Variants in BAZ2B observed in about 807,000 individuals in gnomAD.
BAZ2B encodes the protein bromodomain adjacent to zinc finger domain 2B.
In BAZ2B, 91 loss-of-function variants were observed where a neutral mutation model predicts 246.0. The observed-to-expected ratio is 0.37, with a 90% CI of 0.31 to 0.44. The LOEUF (loss-of-function observed/expected upper bound fraction) is 0.44. Among genes scored for constraint, BAZ2B ranks in the 20% least tolerant of loss-of-function variants. The pLI, the probability that BAZ2B is intolerant of heterozygous loss-of-function variation, is 1.00. For synonymous variants in BAZ2B, 855 were observed against 860.0 expected (o/e 0.99, Z 0.10); for missense variants, 2,332 against 2,533.7 (o/e 0.92, Z 1.71).
At chr2:159,355,879 C>T (rs2059057410) in intron 27 of BAZ2B, among the ~76,000 whole-genome samples, 1 of 152,196 alleles carries the variant, frequency 6.6e-6, no homozygotes, top group Non-Finnish European at 1.5e-5. Context: ...CCAGGAAGTG[C>T]AAGGGGTCCG....
At position 159,542,765 on chromosome 2, in the gene BAZ2B, C is replaced by T. The variant is rs145448213; in HGVS notation, c.-3+13058G>A. ...CTTAAAAATAAAAAAATCCAAAGAA[C>T]TATTAACCAAGAATTCTATAATATA... On this transcript the variant is annotated intron_variant, in intron 2 of 36. Coordinates refer to ENST00000392783, the MANE Select transcript of BAZ2B (RefSeq NM_013450.4). Among the ~76,000 whole-genome samples, 385 of 152,198 alleles carry T rather than the reference C, an allele frequency of 2.5e-3. 1 individual carries two copies. Among genetic ancestry groups the T allele is most frequent in the African/African-American group, 8.8e-3 (364 of 41,546 alleles).
At chr2:159,478,839 T>C (rs1296397145) in intron 2 of BAZ2B, 118 bp from the exon 3 acceptor site, 7 of 735,610 alleles carry the variant, frequency 9.5e-6, no homozygotes, top group African/African-American at 7.4e-5. Context: ...ATACATGTTC[T>C]TTGGAAAGAG....
At chr2:159,557,620 C>A (rs1418024933) in intron 1 of BAZ2B, among the ~76,000 whole-genome samples, 1 of 152,166 alleles carries the variant, frequency 6.6e-6, no homozygotes, top group Non-Finnish European at 1.5e-5. Context: ...ACAAACGCCA[C>A]CTCCTTAGAG....
At chr2:159,347,808 A>T (rs1296212628) in intron 30 of BAZ2B, among the ~76,000 whole-genome samples, 162 bp from the exon 31 acceptor site, 1 of 152,260 alleles carries the variant, frequency 6.6e-6, no homozygotes, top group Non-Finnish European at 1.5e-5. Flanking sequence ...TTAAAAGTAG[A>T]AACACGCTAA....
At chr2:159,382,901 A>G in intron 24 of BAZ2B, 99 bp from the exon 25 acceptor site, 2 of 1,449,986 alleles carry the variant, frequency 1.4e-6, no homozygotes, top group Non-Finnish European at 1.8e-6. Flanking sequence ...ACCTTATGGC[A>G]TTTCTTTTGT....
intron 33 of BAZ2B, among the ~76,000 whole-genome samples, chr2:159,333,661 G>A (rs1317510076): frequency 6.6e-6 from 1 of 152,066 alleles, no homozygotes; most frequent in East Asian, 1.9e-4. Context: ...CTACTTTAAA[G>A]TTAGGTATTT....
At chr2:159,663,651 C>T in the BAZ2B span, among the ~76,000 whole-genome samples, 1 of 151,846 alleles carries the variant, frequency 6.6e-6, no homozygotes, top group East Asian at 1.9e-4. Flanking sequence ...TCCCGAGCAG[C>T]TGGTATTACA....
At chr2:159,415,719 T>A (rs1442621796) in intron 13 of BAZ2B, among the ~76,000 whole-genome samples, 2 of 152,174 alleles carry the variant, frequency 1.3e-5, no homozygotes, top group Non-Finnish European at 2.9e-5. Context: ...CAACCAAAAA[T>A]AACCCAAAGT....
At chr2:159,703,941 A>G in the BAZ2B span, among the ~76,000 whole-genome samples, 1 of 152,228 alleles carries the variant, frequency 6.6e-6, no homozygotes, top group Middle Eastern at 3.4e-3. Context: ...ACAATCAACC[A>G]CTTCCACCAA....
chr2:159,318,280 C>T (rs55691471), downstream of BAZ2B, among the ~76,000 whole-genome samples: 4,269 of 152,270 alleles, frequency 0.028, 215 homozygotes, highest in African/African-American at 0.097. Context: ...AGCATTTTTG[C>T]TTAAGCACCA....
At chr2:159,465,729 C>G (rs185273935) in intron 3 of BAZ2B, among the ~76,000 whole-genome samples, 1 of 152,152 alleles carries the variant, frequency 6.6e-6, no homozygotes, top group East Asian at 1.9e-4. Flanking sequence ...TGAGACCAAC[C>G]TGGCCAACAT....
At chr2:159,397,228 A>C in intron 19 of BAZ2B, 117 bp downstream of exon 19, 6 of 1,238,084 alleles carry the variant, frequency 4.8e-6, no homozygotes, top group Non-Finnish European at 5.6e-6. Context: ...GGAAAAACTT[A>C]AGCAGAAATT....
chr2:159,331,336 T>C (rs531658906), intron 34 of BAZ2B, among the ~76,000 whole-genome samples: 6 of 152,316 alleles, frequency 3.9e-5, no homozygotes, highest in Admixed American at 1.3e-4. Context: ...AGATAAATTA[T>C]TGACATCATT....
intron 34 of BAZ2B, among the ~76,000 whole-genome samples, chr2:159,330,170 T>C (rs940424741): frequency 1.3e-5 from 2 of 152,154 alleles, no homozygotes; most frequent in Non-Finnish European, 2.9e-5. Context: ...AATACTAAAA[T>C]AAACATTTCA....
At chr2:159,506,835 C>T (rs2082378892) in intron 2 of BAZ2B, among the ~76,000 whole-genome samples, 1 of 151,864 alleles carries the variant, frequency 6.6e-6, no homozygotes, top group South Asian at 2.1e-4. Context: ...AATTTGTGTC[C>T]TAGAGTGAAA....
At chr2:159,424,588 GT>G (rs1352306238) in intron 13 of BAZ2B, among the ~76,000 whole-genome samples, 1 of 152,082 alleles carries the variant, frequency 6.6e-6, no homozygotes, top group African/African-American at 2.4e-5. Flanking sequence ...TTTGGGATAT[GT>G]TTTAAGATTA....
the BAZ2B span, among the ~76,000 whole-genome samples, chr2:159,633,416 T>A: frequency 8.3e-3 from 1,269 of 152,318 alleles, 8 homozygotes; most frequent in Non-Finnish European, 0.012. Flanking sequence ...AGAATACATA[T>A]CCTCAGTGTG....
At chr2:159,704,921 C>G in the BAZ2B span, among the ~76,000 whole-genome samples, 1 of 151,830 alleles carries the variant, frequency 6.6e-6, no homozygotes, top group Non-Finnish European at 1.5e-5. Context: ...CCAGAATGGT[C>G]TTGATCTCCT....
chr2:159,395,595 TAC>T (rs1174053252), intron 20 of BAZ2B, 172 bp downstream of exon 20: 1 of 486,832 alleles, frequency 2.1e-6, no homozygotes, highest in Non-Finnish European at 3.6e-6. Context: ...GAACTCTTCC[TAC>T]ATTCTTTTAT....
Sources: gnomAD v4.1 joint callset for allele counts (sites outside exome capture counted in the v4.1 genomes callset) on GRCh38, gnomAD v4.1.1 for gene constraint, MANE v1.5 for transcripts, NCBI Gene and HGNC (gene_info 2026-07-23, HGNC 2026-07-21) for gene names.